Variants in LEPR observed in about 807,000 individuals in gnomAD.
LEPR encodes leptin receptor.
Under a neutral mutation model 114.7 loss-of-function variants are expected in LEPR, and 56 were observed. The observed-to-expected ratio is 0.49, with a 90% CI of 0.39 to 0.61. LEPR has a LOEUF of 0.61. Among genes scored for constraint, LEPR ranks in the 20% least tolerant of loss-of-function variants. The probability of loss-of-function intolerance (pLI) is 0.00; values close to 1 mark genes in which losing one functional copy is unlikely to be tolerated. For synonymous variants in LEPR, 443 were observed against 461.4 expected (o/e 0.96, Z 0.51); for missense variants, 1,202 against 1,352.9 (o/e 0.89, Z 1.75).
intron 2 of LEPR, among the ~76,000 whole-genome samples, chr1:65,456,117 G>A (rs994083831): frequency 1.3e-5 from 2 of 152,148 alleles, no homozygotes; most frequent in African/African-American, 4.8e-5. Context: ...TCCCGAGTGA[G>A]GCAATGCCTC....
chr1:65,548,157 A>G (rs1017539018), intron 2 of LEPR, among the ~76,000 whole-genome samples: 5 of 152,248 alleles, frequency 3.3e-5, no homozygotes, highest in Middle Eastern at 6.8e-3. Context: ...GTTTGACTGC[A>G]CTGTGGTCTG....
At chr1:65,619,072 G>A (rs1657714628) in intron 16 of LEPR, among the ~76,000 whole-genome samples, 1 of 152,132 alleles carries the variant, frequency 6.6e-6, no homozygotes, top group Admixed American at 6.5e-5. Flanking sequence ...AGTAAGGATT[G>A]AGGAAAGTTA....
Position 65,618,156 on chromosome 1 carries a change from C to G in LEPR, c.2395+10C>G, listed in dbSNP as rs561366893. The G allele has an allele frequency of 6.3e-7, 1 of 1,597,556 alleles. No homozygotes were observed. Among genetic ancestry groups the G allele is most frequent in the Non-Finnish European group, 8.5e-7 (1 of 1,170,666 alleles). On this transcript the variant is annotated intron_variant, in intron 16 of 19. Coordinates refer to ENST00000349533, the MANE Select transcript of LEPR (RefSeq NM_002303.6). ...AAGTATTATATCCATGGTAAGTTTA[C>G]TATACTTTAGTAAGTTGCTCTCATG...
At chr1:65,564,038 C>T (rs1431733049) in intron 2 of LEPR, among the ~76,000 whole-genome samples, 1 of 145,536 alleles carries the variant, frequency 6.9e-6, no homozygotes, top group East Asian at 1.9e-4. Flanking sequence ...AGAGGTGGAG[C>T]CTACAGAGGC....
At chr1:65,480,627 G>A (rs1007329271) in intron 2 of LEPR, among the ~76,000 whole-genome samples, 7 of 152,072 alleles carry the variant, frequency 4.6e-5, no homozygotes, top group African/African-American at 1.7e-4. Context: ...GAAATTTATA[G>A]GTTTGAGTAG....
At chr1:65,520,339 C>T (rs1161320291) in intron 2 of LEPR, among the ~76,000 whole-genome samples, 1 of 152,142 alleles carries the variant, frequency 6.6e-6, no homozygotes, top group East Asian at 1.9e-4. Flanking sequence ...GCGTCTGTAG[C>T]TGTAGCATTT....
chr1:65,474,789 C>T lies in LEPR; in HGVS notation c.-21+49411C>T, dbSNP rs151329955. Among the ~76,000 whole-genome samples the T allele has an allele frequency of 5.0e-3, 758 of 152,000 alleles. 8 individuals carry two copies. Among genetic ancestry groups the T allele is most frequent in the African/African-American group, 0.018 (731 of 41,454 alleles). ...TTGGGAGGCCGAGGCGGGCAGATCA[C>T]GAGGTCAGGAGTTTGAGACCAGCCT... On this transcript the variant is annotated intron_variant, in intron 2 of 19. Transcript: ENST00000349533.
At chr1:65,513,531 G>A (rs1343220719) in intron 2 of LEPR, among the ~76,000 whole-genome samples, 1 of 152,200 alleles carries the variant, frequency 6.6e-6, no homozygotes, top group Non-Finnish European at 1.5e-5. Context: ...CTTTGCAGCA[G>A]TTTAACCATG....
At chr1:65,628,643 GTC>G (rs1262827391) in intron 19 of LEPR, among the ~76,000 whole-genome samples, 1 of 152,050 alleles carries the variant, frequency 6.6e-6, no homozygotes, top group African/African-American at 2.4e-5. Context: ...ATTTGGACTG[GTC>G]TGTAGTATTC....
At chr1:65,549,943 T>A (rs1036586884) in intron 2 of LEPR, among the ~76,000 whole-genome samples, 2 of 152,188 alleles carry the variant, frequency 1.3e-5, no homozygotes, top group African/African-American at 4.8e-5. Context: ...TCTTTGTGGT[T>A]TTATCTACTT....
chr1:65,516,616 G>A (rs1273084120), intron 2 of LEPR, among the ~76,000 whole-genome samples: 1 of 152,136 alleles, frequency 6.6e-6, no homozygotes, highest in Non-Finnish European at 1.5e-5. Flanking sequence ...TTATGTAAAA[G>A]GTTTTCTCTT....
chr1:65,637,932 A>C lies in LEPR; in HGVS notation c.*917A>C, dbSNP rs1444801821. The C allele has an allele frequency of 6.6e-6, 1 of 152,232 alleles. No homozygotes were observed. The highest frequency in any genetic ancestry group is 1.5e-5 in the Non-Finnish European group (1 of 68,036). The allele number at this position is 152,232 out of a possible 1,614,324, so 9.4% of individuals were successfully genotyped here. On this transcript the variant is annotated 3_prime_UTR_variant, in exon 20 of 20. Coordinates refer to ENST00000349533, the MANE Select transcript of LEPR (RefSeq NM_002303.6). ...GACAGTAAATAATTTGCCCACAGTT[A>C]CAGTCAGTGGGTGATGGAATCAGAG... is the stretch of plus-strand genomic sequence containing the variant.
intron 2 of LEPR, chr1:65,432,928 G>C: frequency 1.0e-6 from 1 of 962,576 alleles, no homozygotes; most frequent in Non-Finnish European, 1.2e-6. Context: ...ACAATAATTT[G>C]TCAATATATA....
chr1:65,549,826 C>A (rs894544485), intron 2 of LEPR, among the ~76,000 whole-genome samples: 2 of 152,238 alleles, frequency 1.3e-5, no homozygotes, highest in Admixed American at 1.3e-4. Flanking sequence ...CAAAGTCATT[C>A]TCCATCCAGC....
chr1:65,554,351 G>A (rs567692889), intron 2 of LEPR, among the ~76,000 whole-genome samples: 1 of 152,248 alleles, frequency 6.6e-6, no homozygotes, highest in East Asian at 1.9e-4. Flanking sequence ...CCAGGGAGAT[G>A]GGAGTTTTAT....
intron 2 of LEPR, among the ~76,000 whole-genome samples, chr1:65,504,580 C>T (rs1290648887): frequency 6.6e-6 from 1 of 152,104 alleles, no homozygotes; most frequent in Non-Finnish European, 1.5e-5. Flanking sequence ...AATATCAGTA[C>T]TTCTTAAAAC....
intron 2 of LEPR, chr1:65,431,725 A>G (rs990952799): frequency 7.0e-7 from 1 of 1,431,852 alleles, no homozygotes; most frequent in African/African-American, 1.4e-5. Flanking sequence ...GATGTTTCTA[A>G]TGCAGAAAAT....
intron 11 of LEPR, among the ~76,000 whole-genome samples, chr1:65,605,898 G>A (rs192508165): frequency 4.6e-5 from 7 of 152,102 alleles, no homozygotes; most frequent in Admixed American, 6.5e-5. Flanking sequence ...AACTAAGGAA[G>A]CTTTTGTAGA....
At chr1:65,488,256 C>CTTTCTTTCTTTCTTTCT (rs1557620468) in intron 2 of LEPR, among the ~76,000 whole-genome samples, 1 of 100,468 alleles carries the variant, frequency 1.0e-5, no homozygotes, top group Admixed American at 1.1e-4. Flanking sequence ...TTCTTTCTTT[C>CTTTCTTTCTTTCTTTCT]TTTTCTTTCT....
Sources: gnomAD v4.1 joint callset for allele counts (sites outside exome capture counted in the v4.1 genomes callset) on GRCh38, gnomAD v4.1.1 for gene constraint, MANE v1.5 for transcripts, NCBI Gene and HGNC (gene_info 2026-07-23, HGNC 2026-07-21) for gene names.